Variants in RBFOX1 observed in about 807,000 individuals in gnomAD.
The protein encoded by RBFOX1 is RNA binding protein fox-1 homolog 1.
A neutral mutation model predicts 57.7 loss-of-function variants in RBFOX1; 8 were observed. That is an observed-to-expected ratio of 0.14 (90% CI 0.08 to 0.25). The LOEUF is 0.25. RBFOX1 is among the 10% of genes least tolerant of loss of function. The pLI is 1.00. For missense variants in RBFOX1, 611 were observed against 548.5 expected (o/e 1.11, Z -1.14); for synonymous variants, 326 against 222.4 (o/e 1.47, Z -4.15).
At chr16:6,167,661 T>C (rs1326564243) in intron 1 of RBFOX1, among the ~76,000 whole-genome samples, 1 of 152,202 alleles carries the variant, frequency 6.6e-6, no homozygotes, top group East Asian at 1.9e-4. Context: ...TTAGTCACTT[T>C]TAAAATGCAA....
intron 4 of RBFOX1, among the ~76,000 whole-genome samples, chr16:7,189,035 G>C (rs1471719216): frequency 6.6e-6 from 1 of 152,090 alleles, no homozygotes; most frequent in Admixed American, 6.5e-5. Context: ...GCATTTGGAG[G>C]TGATACGGAG....
At chr16:7,166,504 G>C (rs2079537037) in intron 4 of RBFOX1, among the ~76,000 whole-genome samples, 1 of 152,106 alleles carries the variant, frequency 6.6e-6, no homozygotes, top group Non-Finnish European at 1.5e-5. Context: ...TCAGAGGTTG[G>C]AGAAGAAGGA....
chr16:6,627,518 T>C (rs566702692), intron 2 of RBFOX1, among the ~76,000 whole-genome samples: 1 of 152,202 alleles, frequency 6.6e-6, no homozygotes, highest in East Asian at 1.9e-4. Flanking sequence ...CATAACACAG[T>C]GGAGGATTTG....
At chr16:7,020,708 GA>G (rs1237682205) in intron 3 of RBFOX1, among the ~76,000 whole-genome samples, 4 of 152,164 alleles carry the variant, frequency 2.6e-5, no homozygotes, top group African/African-American at 9.7e-5. Context: ...GAGGGAAGAG[GA>G]AGAGGAGGAG....
At chr16:6,260,351 G>T (rs761134310) in intron 1 of RBFOX1, among the ~76,000 whole-genome samples, 1 of 152,110 alleles carries the variant, frequency 6.6e-6, no homozygotes, top group African/African-American at 2.4e-5. Flanking sequence ...TCATGACCCA[G>T]TGCCTCCATC....
chr16:6,580,725 A>C (rs900959338), intron 2 of RBFOX1, among the ~76,000 whole-genome samples: 1 of 152,164 alleles, frequency 6.6e-6, no homozygotes, highest in Non-Finnish European at 1.5e-5. Flanking sequence ...AGATGAGACC[A>C]GCTGAGGCTC....
intron 1 of RBFOX1, among the ~76,000 whole-genome samples, chr16:5,307,721 G>C (rs976260400): frequency 6.6e-6 from 1 of 152,128 alleles, no homozygotes; most frequent in African/African-American, 2.4e-5. Context: ...TGTCCCCCAG[G>C]CTGGAGTGCA....
chr16:6,754,466 C>G (rs962013423), intron 3 of RBFOX1, among the ~76,000 whole-genome samples: 2 of 152,158 alleles, frequency 1.3e-5, no homozygotes, highest in South Asian at 2.1e-4. Context: ...TTTGTTTCTT[C>G]CACAATTTCA....
intron 1 of RBFOX1, among the ~76,000 whole-genome samples, chr16:6,176,297 C>T (rs1011519713): frequency 2.7e-5 from 4 of 150,338 alleles, no homozygotes; most frequent in East Asian, 2.0e-4. Flanking sequence ...AGGTGCCCAC[C>T]GCCATGCCTG....
At chr16:6,720,550 C>T (rs2065778546) in intron 3 of RBFOX1, among the ~76,000 whole-genome samples, 1 of 152,164 alleles carries the variant, frequency 6.6e-6, no homozygotes, top group Admixed American at 6.5e-5. Context: ...ACAGCAAAGG[C>T]AGAGGCCCTG....
At chr16:6,370,175 G>C (rs953082682) in intron 2 of RBFOX1, among the ~76,000 whole-genome samples, 1 of 151,798 alleles carries the variant, frequency 6.6e-6, no homozygotes, top group South Asian at 2.1e-4. Flanking sequence ...TGGCTAATGC[G>C]GTGAAAACCT....
At chr16:7,416,384 GTTC>G (rs2098478117) in intron 4 of RBFOX1, among the ~76,000 whole-genome samples, 3 of 152,274 alleles carry the variant, frequency 2.0e-5, no homozygotes, top group South Asian at 2.1e-4. Context: ...ATTCCCTGTA[GTTC>G]TTCTCTCTCA....
chr16:5,244,013 C>G (rs1462640014), intron 1 of RBFOX1, among the ~76,000 whole-genome samples: 1 of 152,120 alleles, frequency 6.6e-6, no homozygotes, highest in Non-Finnish European at 1.5e-5. Flanking sequence ...TCTCCTGCCT[C>G]AGCCTCCGGA....
At chr16:6,403,338 T>G (rs1250021656) in intron 2 of RBFOX1, among the ~76,000 whole-genome samples, 1 of 152,172 alleles carries the variant, frequency 6.6e-6, no homozygotes, top group Non-Finnish European at 1.5e-5. Context: ...GGTGGCTTGC[T>G]TTTGATAATC....
intron 4 of RBFOX1, among the ~76,000 whole-genome samples, chr16:7,446,942 A>C (rs978951934): frequency 1.3e-5 from 2 of 150,646 alleles, no homozygotes; most frequent in African/African-American, 4.9e-5. Context: ...CCTCCCAAGT[A>C]GCTGGGACTA....
chr16:5,669,278 ACT>A (rs1006566029), intron 3 of RBFOX1, among the ~76,000 whole-genome samples: 12 of 151,962 alleles, frequency 7.9e-5, no homozygotes, highest in African/African-American at 2.9e-4. Context: ...TCAGCTCCAA[ACT>A]CTGTTTGACT....
At chr16:6,547,729 G>A (rs549027071) in intron 2 of RBFOX1, among the ~76,000 whole-genome samples, 1 of 151,394 alleles carries the variant, frequency 6.6e-6, no homozygotes, top group Admixed American at 6.6e-5. Flanking sequence ...ATCTACTCTG[G>A]GATACATTTC....
At chr16:6,341,495 C>G (rs2084568850) in intron 2 of RBFOX1, among the ~76,000 whole-genome samples, 1 of 152,160 alleles carries the variant, frequency 6.6e-6, no homozygotes, top group South Asian at 2.1e-4. Flanking sequence ...TAAACAGACC[C>G]AGGCTCAGAA....
chr16:7,129,172 G>T lies in RBFOX1; in HGVS notation c.27+77074G>T, dbSNP rs745388155. On this transcript the variant is annotated intron_variant, in intron 4 of 15. Coordinates refer to ENST00000550418, the MANE Select transcript of RBFOX1 (RefSeq NM_018723.4). ...AGATTTTTAGCAGGATTCAAACCAG[G>T]AAAGTCTGGCTCCAGAGTACAAGTT... 2.0e-5 allele frequency among the ~76,000 whole-genome samples: 3 copies of T among 152,080 alleles called. 1 individual carries two copies. In the South Asian group the frequency reaches 6.2e-4, roughly 32 times the overall value.
Sources: gnomAD v4.1 joint callset for allele counts (sites outside exome capture counted in the v4.1 genomes callset) on GRCh38, gnomAD v4.1.1 for gene constraint, MANE v1.5 for transcripts, NCBI Gene and HGNC (gene_info 2026-07-23, HGNC 2026-07-21) for gene names.